Variants in CCDC197 observed in about 807,000 individuals in gnomAD.
CCDC197 encodes the protein uncharacterized protein CCDC197.
CCDC197 carries 24 observed loss-of-function variants against 13.4 expected under a neutral mutation model. The observed-to-expected ratio is 1.80, with a 90% CI of 1.30 to 2.53. The LOEUF (loss-of-function observed/expected upper bound fraction) is 2.53, where lower values mean the gene tolerates loss of function less well. CCDC197 is among the 30% of genes most tolerant of loss of function. The pLI, the probability that CCDC197 is intolerant of heterozygous loss-of-function variation, is 0.00. For synonymous variants in CCDC197, 99 were observed against 55.5 expected (o/e 1.78, Z -3.48); for missense variants, 255 against 148.8 (o/e 1.71, Z -3.71).
In CCDC197 at chr14:94,008,837, T is replaced by G. The variant is rs1324723227; in HGVS notation, c.*25T>G. On this transcript the variant is annotated 3_prime_UTR_variant, in exon 7 of 7. Coordinates refer to ENST00000636493, the MANE Select transcript of CCDC197 (RefSeq NM_001351596.2). Reference sequence around the variant, plus strand: ...ACCAGCCTGCGCCTTGCAGGCCCCATGGCATCACGACCTCTCCTTACCTGC... The same window carrying G: ...ACCAGCCTGCGCCTTGCAGGCCCCAGGGCATCACGACCTCTCCTTACCTGC... 1.3e-5 allele frequency: 9 copies of G among 686,790 alleles called. No individual in the cohort carries two copies. In the East Asian group the frequency reaches 2.4e-4, roughly 19 times the overall value. The allele number at this position is 686,790 out of a possible 1,614,324, so 42.5% of individuals were successfully genotyped here.
At chr14:94,001,485 C>G in intron 4 of CCDC197, 162 bp downstream of exon 4, 1 of 548,520 alleles carries the variant, frequency 1.8e-6, no homozygotes, top group East Asian at 3.1e-5. Flanking sequence ...TTCCATATCC[C>G]CTTCCTCTCC....
chr14:93,993,433 G>A (rs2273224), upstream of CCDC197, among the ~76,000 whole-genome samples: 124 of 152,316 alleles, frequency 8.1e-4, no homozygotes, highest in East Asian at 0.022. Context: ...GGACTATCTC[G>A]TTTAATCCCT....
chr14:94,004,640 C>T (rs762678599), intron 5 of CCDC197, among the ~76,000 whole-genome samples: 4 of 152,194 alleles, frequency 2.6e-5, no homozygotes, highest in Non-Finnish European at 4.4e-5. Context: ...GGAGTTAGTC[C>T]AACCTGCCTC....
chr14:94,008,688 G>T lies in CCDC197; in HGVS notation c.695G>T (p.Ser232Ile). The T allele has an allele frequency of 1.4e-6, 1 of 703,034 alleles. No homozygotes were observed. Among genetic ancestry groups the T allele is most frequent in the South Asian group, 1.5e-5 (1 of 67,606 alleles). 43.5% of individuals were successfully genotyped at this position (703,034 alleles called of 1,614,324 possible). ...TEPKVCWSWD[S>I]FGDQWLRRHP... is the part of the protein sequence containing the mutation. Reference sequence around the variant, plus strand: ...CCCAAAGTGTGCTGGTCATGGGACAGCTTCGGGGACCAGTGGCTCAGAAGA... The same window carrying T: ...CCCAAAGTGTGCTGGTCATGGGACATCTTCGGGGACCAGTGGCTCAGAAGA... Residue 232 changes from serine to isoleucine, a missense_variant, in exon 7 of 7, where the codon AGC becomes ATC. Coordinates refer to ENST00000636493, the MANE Select transcript of CCDC197 (RefSeq NM_001351596.2).
chr14:94,002,021 A>G (rs570913592), intron 4 of CCDC197, among the ~76,000 whole-genome samples: 1 of 152,196 alleles, frequency 6.6e-6, no homozygotes, highest in Non-Finnish European at 1.5e-5. Flanking sequence ...AATGGAATTC[A>G]TGGATGGGCT....
intron 3 of CCDC197, 113 bp from the exon 4 acceptor site, chr14:94,001,032 G>C: frequency 1.6e-6 from 1 of 618,286 alleles, no homozygotes; most frequent in Non-Finnish European, 2.9e-6. Flanking sequence ...CTACTGTCAT[G>C]GACTGTCTGG....
chr14:94,003,279 G>A lies in CCDC197; in HGVS notation c.423G>A (p.Gln141=). 2.6e-6 allele frequency: 2 copies of A among 780,936 alleles called. No individual in the cohort carries two copies. Among genetic ancestry groups the A allele is most frequent in the Non-Finnish European group, 4.8e-6 (2 of 418,094 alleles). The allele number at this position is 780,936 out of a possible 1,614,324, so 48.4% of individuals were successfully genotyped here. ...AGAAGTGCTACCGCAAGCAGGAGCA[G>A]TGGTGGCAGCTGAAGCACAGCATCA... The part of the protein sequence containing the change: ...LQKKCYRKQE[Q]WWQLKHSITY... Residue 141 remains glutamine (Q), a synonymous_variant, in exon 5 of 7, where the codon CAG becomes CAA. Coordinates refer to ENST00000636493, the MANE Select transcript of CCDC197 (RefSeq NM_001351596.2). The surrounding 1 kb of genome is among the most constrained non-coding windows in gnomAD (Gnocchi z 5.0).
chr14:94,001,273 G>A lies in CCDC197; in HGVS notation c.316G>A (p.Val106Ile). Residue 106 changes from valine to isoleucine, a missense_variant, in exon 4 of 7, where the codon GTC becomes ATC. By Grantham distance (29) the Val-to-Ile change is conservative. Coordinates refer to ENST00000636493, the MANE Select transcript of CCDC197 (RefSeq NM_001351596.2). ...LEAFCQMIQA[V>I]HRSLESLEED... ...GGCCTTCTGCCAGATGATCCAGGCT[G>A]TCCACCGGAGCCTGGAGTCTCTGGA... 1 of 780,688 alleles carries A rather than the reference G, an allele frequency of 1.3e-6. No individual in the cohort carries two copies. 48.4% of individuals were successfully genotyped at this position (780,688 alleles called of 1,614,324 possible).
chr14:94,000,805 A>G, intron 3 of CCDC197: 1 of 203,714 alleles, frequency 4.9e-6, no homozygotes. Flanking sequence ...CGCTCAGGAC[A>G]GGAACAATTC....
At position 94,001,085 on chromosome 14, in the gene CCDC197, C is replaced by G. The variant is rs913219477; in HGVS notation, c.188-60C>G. The G allele has an allele frequency of 1.5e-5, 10 of 679,560 alleles. No homozygotes were observed. The South Asian group carries it at 1.6e-4, about 11-fold the overall frequency. The allele number at this position is 679,560 out of a possible 1,614,324, so 42.1% of individuals were successfully genotyped here. Reference sequence around the variant, plus strand: ...GCCCCAGCTGGAATTCCTGGCCACCCTGTTGGCATGGCCCACTGCAGGGGC... The same window carrying G: ...GCCCCAGCTGGAATTCCTGGCCACCGTGTTGGCATGGCCCACTGCAGGGGC... On this transcript the variant is annotated intron_variant, in intron 3 of 6. Transcript: ENST00000636493.
chr14:94,000,952 G>A (rs1263686228), intron 3 of CCDC197, 193 bp from the exon 4 acceptor site: 1 of 418,514 alleles, frequency 2.4e-6, no homozygotes, highest in Non-Finnish European at 4.0e-6. Context: ...CCTTGAAGTG[G>A]AGGGGGCGGG....
In CCDC197 at chr14:94,008,854, C is replaced by T; in HGVS notation, c.*42C>T. ...AGGCCCCATGGCATCACGACCTCTCCTTACCTGCCTGCCTCCTTTTCTCAC... is the reference window on the plus strand; with the variant it reads ...AGGCCCCATGGCATCACGACCTCTCTTTACCTGCCTGCCTCCTTTTCTCAC... On this transcript the variant is annotated 3_prime_UTR_variant, in exon 7 of 7. Transcript: ENST00000636493. The T allele has an allele frequency of 1.5e-6, 1 of 671,264 alleles. No individual in the cohort carries two copies. Among genetic ancestry groups the T allele is most frequent in the Non-Finnish European group, 2.7e-6 (1 of 364,844 alleles). 41.6% of individuals were successfully genotyped at this position (671,264 alleles called of 1,614,324 possible). A position where few individuals can be genotyped will look rare whatever the true frequency, so the allele number is the denominator to read the frequency against.
At chr14:93,994,919 C>T (rs1182062161), upstream of CCDC197, among the ~76,000 whole-genome samples, 1 of 152,206 alleles carries the variant, frequency 6.6e-6, no homozygotes, top group Middle Eastern at 3.2e-3. Context: ...TTTCAAGGTC[C>T]TAACCACTCA....
rs369627187 is a variant in CCDC197 at position 93,987,946 on chromosome 14, G to A, written c.-107+550G>A. 1.8e-4 allele frequency among the ~76,000 whole-genome samples: 26 copies of A among 147,258 alleles called. No homozygotes were observed. The South Asian group carries it at 4.5e-3, about 26-fold the overall frequency. On this transcript the variant is annotated intron_variant, in intron 1 of 7. Transcript: ENST00000640978. ...GGACAGCGCGGGAGGGAGGTGGGAA[G>A]GAGGGAGTGGGGGAGGGGAGGGGCC...
chr14:93,996,299 G>A (rs1186595307), upstream of CCDC197, among the ~76,000 whole-genome samples: 3 of 148,556 alleles, frequency 2.0e-5, no homozygotes, highest in Non-Finnish European at 4.4e-5. Flanking sequence ...TAGGACCATG[G>A]AGAGGCAGCC....
chr14:94,008,699 C>T lies in CCDC197; in HGVS notation c.706C>T (p.Gln236Ter). The change falls in exon 7 of 7, where the codon CAG (glutamine) becomes TAG (stop). Residue 236 changes from glutamine (Q) to a stop codon, truncating the protein, a stop_gained. Coordinates refer to ENST00000636493, the MANE Select transcript of CCDC197 (RefSeq NM_001351596.2). LOFTEE classifies it low-confidence loss of function (END_TRUNC). ...CTGGTCATGGGACAGCTTCGGGGAC[C>T]AGTGGCTCAGAAGACACCCCAAACC... is the stretch of plus-strand genomic sequence containing the variant. ...VCWSWDSFGD[Q>*]WLRRHPKPFR... 4 of 702,996 alleles carry T rather than the reference C, an allele frequency of 5.7e-6. No homozygotes were observed. Among genetic ancestry groups the T allele is most frequent in the Non-Finnish European group, 5.2e-6 (2 of 385,022 alleles). The allele number at this position is 702,996 out of a possible 1,614,324, so 43.5% of individuals were successfully genotyped here. A position where few individuals can be genotyped will look rare whatever the true frequency, so the allele number is the denominator to read the frequency against.
At chr14:94,002,778 A>C (rs1890560377) in intron 4 of CCDC197, among the ~76,000 whole-genome samples, 1 of 149,212 alleles carries the variant, frequency 6.7e-6, no homozygotes, top group Admixed American at 6.8e-5. Context: ...ACTTGAACCC[A>C]GGAGGCGGAG....
Position 94,003,664 on chromosome 14 carries a change from CAT to C in CCDC197, c.498+312_498+313del, listed in dbSNP as rs1333330232. Reference sequence around the variant, plus strand: ...AAACACACGCACAGACACACAGACACATACACACACAAAGACACATGCAGAGA... The same window carrying C: ...AAACACACGCACAGACACACAGACACACACACACAAAGACACATGCAGAGA... On this transcript the variant is annotated intron_variant, in intron 5 of 6. Transcript: ENST00000636493. The surrounding 1 kb of genome is among the most constrained non-coding windows in gnomAD (Gnocchi z 5.0). Among the ~76,000 whole-genome samples the C allele has an allele frequency of 1.3e-5, 2 of 151,982 alleles. No homozygotes were observed. Among genetic ancestry groups the C allele is most frequent in the African/African-American group, 4.8e-5 (2 of 41,378 alleles).
chr14:94,010,064 C>T (rs1567046230), downstream of CCDC197, among the ~76,000 whole-genome samples: 1 of 152,168 alleles, frequency 6.6e-6, no homozygotes, highest in Non-Finnish European at 1.5e-5. Flanking sequence ...CGCTTGACTC[C>T]AGGTGCTGCT....
Sources: gnomAD v4.1 joint callset for allele counts (sites outside exome capture counted in the v4.1 genomes callset) on GRCh38, gnomAD v4.1.1 for gene constraint, Gnocchi (gnomAD v3.1) non-coding constraint, MANE v1.5 for transcripts, NCBI Gene and HGNC (gene_info 2026-07-23, HGNC 2026-07-21) for gene names.